Variants in DLG2 observed in about 807,000 individuals in gnomAD.
DLG2 encodes discs large MAGUK scaffold protein 2.
Under a neutral mutation model 132.5 loss-of-function variants are expected in DLG2, and 45 were observed. The observed-to-expected ratio is 0.34, with a 90% CI of 0.27 to 0.44. DLG2 has a LOEUF of 0.44. Among genes scored for constraint, DLG2 ranks in the 20% least tolerant of loss-of-function variants. The pLI, the probability that DLG2 is intolerant of heterozygous loss-of-function variation, is 1.00. For synonymous variants in DLG2, 424 were observed against 419.6 expected (o/e 1.01, Z -0.13); for missense variants, 1,045 against 1,196.9 (o/e 0.87, Z 1.87).
intron 7 of DLG2, among the ~76,000 whole-genome samples, chr11:84,469,826 G>A (rs2099104117): frequency 6.6e-6 from 1 of 151,634 alleles, no homozygotes; most frequent in Non-Finnish European, 1.5e-5. Flanking sequence ...AAATGAAATA[G>A]AGTCATGGGT....
intron 4 of DLG2, among the ~76,000 whole-genome samples, chr11:85,208,874 G>A (rs2082069761): frequency 6.6e-6 from 1 of 152,164 alleles, no homozygotes; most frequent in Admixed American, 6.5e-5. Context: ...GGCTCTCCGG[G>A]GAGAGGTGAG....
intron 4 of DLG2, among the ~76,000 whole-genome samples, chr11:85,274,284 A>T (rs898400156): frequency 6.6e-6 from 1 of 152,198 alleles, no homozygotes; most frequent in Non-Finnish European, 1.5e-5. Context: ...CGAGCAGTGC[A>T]AGGAAACTAA....
intron 7 of DLG2, among the ~76,000 whole-genome samples, chr11:84,424,248 A>G (rs1199389116): frequency 6.6e-6 from 1 of 152,134 alleles, no homozygotes; most frequent in Admixed American, 6.5e-5. Context: ...AGGTTGCTAT[A>G]TTAGGGCAGA....
At chr11:83,470,913 C>T (rs1174409110) in intron 24 of DLG2, among the ~76,000 whole-genome samples, 1 of 151,982 alleles carries the variant, frequency 6.6e-6, no homozygotes, top group East Asian at 1.9e-4. Flanking sequence ...GACCTGTCTA[C>T]ATACGTAGAA....
At chr11:84,574,076 C>A (rs961281733) in intron 6 of DLG2, among the ~76,000 whole-genome samples, 2 of 152,126 alleles carry the variant, frequency 1.3e-5, no homozygotes, top group African/African-American at 4.8e-5. Flanking sequence ...AACTGAGACT[C>A]CAGATGTCCT....
intron 18 of DLG2, among the ~76,000 whole-genome samples, chr11:83,750,210 G>A (rs1470153840): frequency 3.3e-5 from 5 of 152,308 alleles, no homozygotes; most frequent in South Asian, 2.1e-4. Context: ...GCTAAAAGTC[G>A]TGTAGGATAA....
chr11:84,831,029 T>C (rs115682432), intron 6 of DLG2, among the ~76,000 whole-genome samples: 1,537 of 129,892 alleles, frequency 0.012, 31 homozygotes, highest in African/African-American at 0.041. Context: ...ATACAATACA[T>C]TTTAAAGAAC....
chr11:84,948,453 G>A (rs943644066), intron 6 of DLG2, among the ~76,000 whole-genome samples: 3 of 152,182 alleles, frequency 2.0e-5, no homozygotes, highest in African/African-American at 7.2e-5. Flanking sequence ...AGCAAGGGCA[G>A]GACTGGAATG....
intron 8 of DLG2, among the ~76,000 whole-genome samples, chr11:84,241,687 C>T (rs908909818): frequency 2.6e-5 from 4 of 152,114 alleles, no homozygotes; most frequent in African/African-American, 7.2e-5. Flanking sequence ...TTATTTTGTC[C>T]TTCCTGTATG....
At chr11:85,051,433 C>T (rs529410470) in intron 6 of DLG2, among the ~76,000 whole-genome samples, 1 of 152,154 alleles carries the variant, frequency 6.6e-6, no homozygotes, top group Non-Finnish European at 1.5e-5. Flanking sequence ...AATGTAAGTT[C>T]TTTCATTAAT....
chr11:84,757,945 C>A (rs910529871), intron 6 of DLG2, among the ~76,000 whole-genome samples: 2 of 152,134 alleles, frequency 1.3e-5, no homozygotes, highest in East Asian at 3.9e-4. Flanking sequence ...TCCCCTTTAG[C>A]CTAACCAGCA....
intron 6 of DLG2, among the ~76,000 whole-genome samples, chr11:84,584,847 C>A (rs2099525701): frequency 6.6e-6 from 1 of 151,552 alleles, no homozygotes; most frequent in East Asian, 1.9e-4. Context: ...CGCCACTACA[C>A]CCGGCTAATT....
chr11:84,959,899 A>G (rs4589325), intron 6 of DLG2, among the ~76,000 whole-genome samples: 69,890 of 152,024 alleles, frequency 0.46, 17,663 homozygotes, highest in East Asian at 0.67. Flanking sequence ...AGGAAAAAAA[A>G]ACTGGTTAAG....
At chr11:84,958,896 C>T (rs2052106476) in intron 6 of DLG2, among the ~76,000 whole-genome samples, 1 of 152,226 alleles carries the variant, frequency 6.6e-6, no homozygotes, top group Non-Finnish European at 1.5e-5. Context: ...GCTTCAAGCA[C>T]TGGTCTCCAA....
intron 6 of DLG2, among the ~76,000 whole-genome samples, chr11:84,654,895 T>C (rs1004294789): frequency 2.0e-5 from 3 of 152,166 alleles, no homozygotes. Flanking sequence ...TTCCTCTCCA[T>C]CTTTTGTCCT....
chr11:83,538,463 T>G (rs1055001553), intron 20 of DLG2, among the ~76,000 whole-genome samples: 1 of 152,246 alleles, frequency 6.6e-6, no homozygotes, highest in Non-Finnish European at 1.5e-5. Flanking sequence ...GGCAAGCTAC[T>G]TGAATTATCT....
At chr11:84,920,869 A>G (rs2092719678) in intron 6 of DLG2, among the ~76,000 whole-genome samples, 1 of 152,142 alleles carries the variant, frequency 6.6e-6, no homozygotes, top group Non-Finnish European at 1.5e-5. Context: ...ATAAAAGATC[A>G]TGACATTAGT....
intron 3 of DLG2, chr11:85,286,083 A>G (rs1435167371): frequency 2.2e-6 from 1 of 446,034 alleles, no homozygotes; most frequent in Non-Finnish European, 4.4e-6. Flanking sequence ...AACAGGAAAA[A>G]AAAAGTACTG....
chr11:84,862,113 C>T (rs2083798880), intron 6 of DLG2, among the ~76,000 whole-genome samples: 1 of 151,830 alleles, frequency 6.6e-6, no homozygotes. Flanking sequence ...GTGCAGCGCA[C>T]CAGCATGGCA....
Sources: allele counts gnomAD v4.1 joint callset (sites outside exome capture counted in the v4.1 genomes callset), GRCh38; gene constraint gnomAD v4.1.1; transcripts MANE v1.5; gene names NCBI Gene and HGNC (gene_info 2026-07-23, HGNC 2026-07-21).